Variants in PAPPA2 observed in about 807,000 individuals in gnomAD.
The protein encoded by PAPPA2 is pappalysin 2.
A neutral mutation model predicts 176.4 loss-of-function variants in PAPPA2; 86 were observed. That is an observed-to-expected ratio of 0.49 (90% CI 0.41 to 0.58). PAPPA2 has a LOEUF of 0.58. Among genes scored for constraint, PAPPA2 ranks in the 20% least tolerant of loss-of-function variants. The probability of loss-of-function intolerance (pLI) is 0.00; values close to 1 mark genes in which losing one functional copy is unlikely to be tolerated. For missense variants in PAPPA2, 2,073 were observed against 2,256.9 expected (o/e 0.92, Z 1.65); for synonymous variants, 809 against 852.2 (o/e 0.95, Z 0.88).
chr1:176,815,721 G>A (rs988085215), intron 21 of PAPPA2, among the ~76,000 whole-genome samples: 17 of 88,866 alleles, frequency 1.9e-4, no homozygotes, highest in Admixed American at 1.8e-3. Context: ...CAATCAACAC[G>A]TGCAAGATCT....
At position 176,710,074 on chromosome 1, in the gene PAPPA2, T is replaced by C; in HGVS notation, c.3549T>C (p.Thr1183=). ...GCATTGTAGACTGTGGCATCTACAC[T>C]CCCAAAGGATACTTGGATCAATGGG... ...KTSIVDCGIY[T]PKGYLDQWAT... is the part of the protein sequence containing the mutation. The change falls in exon 11 of 23, where the codon ACT becomes ACC. Residue 1183 remains threonine (T), a synonymous_variant. Coordinates refer to ENST00000367662, the MANE Select transcript of PAPPA2 (RefSeq NM_020318.3). 6.2e-7 allele frequency: 1 copy of C among 1,613,856 alleles called. No homozygotes were observed. The highest frequency in any genetic ancestry group is 8.5e-7 in the Non-Finnish European group (1 of 1,179,788).
At chr1:176,792,980 G>C (rs1247003104) in intron 19 of PAPPA2, among the ~76,000 whole-genome samples, 1 of 152,072 alleles carries the variant, frequency 6.6e-6, no homozygotes, top group Non-Finnish European at 1.5e-5. Flanking sequence ...TAATCAAATA[G>C]GTTTATTGGC....
At chr1:176,534,757 A>T (rs1464880513) in intron 1 of PAPPA2, among the ~76,000 whole-genome samples, 1 of 152,172 alleles carries the variant, frequency 6.6e-6, no homozygotes, top group African/African-American at 2.4e-5. Flanking sequence ...TCCATTTCTA[A>T]TGGAGACTCC....
chr1:176,582,363 G>A (rs1316881773), intron 2 of PAPPA2, among the ~76,000 whole-genome samples: 1 of 152,160 alleles, frequency 6.6e-6, no homozygotes, highest in Non-Finnish European at 1.5e-5. Flanking sequence ...TCAAATAAGA[G>A]TGGTGAAAGT....
intron 21 of PAPPA2, among the ~76,000 whole-genome samples, chr1:176,809,613 C>T (rs1326020829): frequency 6.6e-6 from 1 of 152,072 alleles, no homozygotes; most frequent in Admixed American, 6.6e-5. Flanking sequence ...ATGCAGAGGC[C>T]AATATATAAC....
In PAPPA2 at chr1:176,800,705, C is replaced by G. The variant is rs908502718; in HGVS notation, c.5202+573C>G. Reference sequence around the variant, plus strand: ...GCTGGATCTGAGTAGCAGCTGCACCCCAGGTGGGCAACTCTCTCCAGTTAG... The same window carrying G: ...GCTGGATCTGAGTAGCAGCTGCACCGCAGGTGGGCAACTCTCTCCAGTTAG... On this transcript the variant is annotated intron_variant, in intron 21 of 22. Transcript: ENST00000367662. Among the ~76,000 whole-genome samples, 26 of 152,278 alleles carry G rather than the reference C, an allele frequency of 1.7e-4. No individual in the cohort carries two copies. In the East Asian group the frequency reaches 4.8e-3, roughly 28 times the overall value.
intron 1 of PAPPA2, among the ~76,000 whole-genome samples, chr1:176,510,062 C>CA (rs1237187008): frequency 1.3e-5 from 2 of 151,636 alleles, no homozygotes; most frequent in Admixed American, 6.6e-5. Context: ...ACCCCAAAAA[C>CA]AAAAAATAAG....
intron 1 of PAPPA2, among the ~76,000 whole-genome samples, chr1:176,517,121 G>GA (rs1056947278): frequency 1.3e-4 from 20 of 152,002 alleles, no homozygotes; most frequent in African/African-American, 4.8e-4. Context: ...CAAAAACCAG[G>GA]AAAAAATTTC....
At chr1:176,577,161 A>G (rs1422390715) in intron 2 of PAPPA2, among the ~76,000 whole-genome samples, 1 of 152,168 alleles carries the variant, frequency 6.6e-6, no homozygotes, top group Non-Finnish European at 1.5e-5. Flanking sequence ...AACCACGCCA[A>G]CTACCTTCTA....
At chr1:176,791,303 A>C (rs1288176825) in intron 18 of PAPPA2, 44 bp from the exon 19 acceptor site, 2 of 1,572,868 alleles carry the variant, frequency 1.3e-6, no homozygotes, top group Non-Finnish European at 1.7e-6. Flanking sequence ...CTCTCAATAA[A>C]GTTAACAAAA....
intron 3 of PAPPA2, among the ~76,000 whole-genome samples, chr1:176,610,086 T>C (rs1654825013): frequency 6.6e-6 from 1 of 152,094 alleles, no homozygotes; most frequent in Admixed American, 6.5e-5. Flanking sequence ...GTACCCTATC[T>C]CCCCTCAGAG....
chr1:176,695,745 G>GGCA lies in PAPPA2; in HGVS notation c.2635_2637dup (p.Ser879dup), dbSNP rs1193673506. The GGCA allele has an allele frequency of 6.2e-7, 1 of 1,613,988 alleles. No individual in the cohort carries two copies. Among genetic ancestry groups the GGCA allele is most frequent in the Admixed American group, 1.7e-5 (1 of 60,024 alleles). On this transcript the variant is annotated inframe_insertion, in exon 7 of 23. Transcript: ENST00000367662. ...ATCCCTTTATCTCCCCAGGGCCTCA[G>GGCA]GCAGCTTGTGTGGCGCTTGCACTGA... is the stretch of plus-strand genomic sequence containing the variant.
At position 176,592,700 on chromosome 1, in the gene PAPPA2, A is replaced by G. The variant is rs538041747; in HGVS notation, c.920-1824A>G. Among the ~76,000 whole-genome samples, 4 of 152,300 alleles carry G rather than the reference A, an allele frequency of 2.6e-5. No individual in the cohort carries two copies. In the South Asian group the frequency reaches 6.2e-4, roughly 24 times the overall value. On this transcript the variant is annotated intron_variant, in intron 2 of 22. Transcript: ENST00000367662. ...TGAACGCATACATCTACCTGTGTGT[A>G]TGCATCAAATATAAAGTAACCTCCC...
Position 176,640,454 on chromosome 1 carries a change from G to A in PAPPA2, c.1992-30516G>A, listed in dbSNP as rs977358061. On this transcript the variant is annotated intron_variant, in intron 3 of 22. Coordinates refer to ENST00000367662, the MANE Select transcript of PAPPA2 (RefSeq NM_020318.3). ...GAGAATATGTGGTGTTTGGTTTTTC[G>A]TTCTTGCGATAGTTTACTGAGAATG... is the stretch of plus-strand genomic sequence containing the variant. Among the ~76,000 whole-genome samples the A allele has an allele frequency of 6.0e-5, 9 of 149,896 alleles. No individual in the cohort carries two copies. The East Asian group carries it at 7.9e-4, about 13-fold the overall frequency.
chr1:176,507,530 T>C (rs1418876378), intron 1 of PAPPA2, among the ~76,000 whole-genome samples: 1 of 152,144 alleles, frequency 6.6e-6, no homozygotes, highest in Non-Finnish European at 1.5e-5. Context: ...AGACATGGAA[T>C]CAAGCTTAAT....
Position 176,777,882 on chromosome 1 carries a change from T to C in PAPPA2, c.4715+6702T>C, listed in dbSNP as rs140162987. 4.1e-4 allele frequency among the ~76,000 whole-genome samples: 62 copies of C among 151,968 alleles called. No homozygotes were observed. In the East Asian group the frequency reaches 0.011, roughly 26 times the overall value. ...CATCACCATAATAATTTCTACCAGG[T>C]TAATGGCTCTTACAAAATAACTGTT... On this transcript the variant is annotated intron_variant, in intron 17 of 22. Coordinates refer to ENST00000367662, the MANE Select transcript of PAPPA2 (RefSeq NM_020318.3).
chr1:176,813,102 C>T (rs1234494179), intron 21 of PAPPA2, among the ~76,000 whole-genome samples: 1 of 152,130 alleles, frequency 6.6e-6, no homozygotes, highest in Non-Finnish European at 1.5e-5. Flanking sequence ...CCATCTGTGT[C>T]CCTGCAAAGG....
At chr1:176,624,355 G>A (rs73046318) in intron 3 of PAPPA2, among the ~76,000 whole-genome samples, 11,292 of 152,166 alleles carry the variant, frequency 0.074, 1,391 homozygotes, top group African/African-American at 0.26. Context: ...AGATTTCCTT[G>A]AAAACTAAGC....
At chr1:176,646,698 T>G (rs950475603) in intron 3 of PAPPA2, among the ~76,000 whole-genome samples, 4 of 151,646 alleles carry the variant, frequency 2.6e-5, no homozygotes, top group Non-Finnish European at 5.9e-5. Context: ...TCACTTAACA[T>G]AATGAAATCT....
Sources: allele counts gnomAD v4.1 joint callset (sites outside exome capture counted in the v4.1 genomes callset), GRCh38; gene constraint gnomAD v4.1.1; transcripts MANE v1.5; gene names NCBI Gene and HGNC (gene_info 2026-07-23, HGNC 2026-07-21).